TIMP3: variants seen among roughly 807,000 people sequenced by gnomAD.
TIMP3 encodes metalloproteinase inhibitor 3.
TIMP3 carries 11 observed loss-of-function variants against 30.0 expected under a neutral mutation model. That is an observed-to-expected ratio of 0.37 (90% confidence interval 0.23 to 0.61). The LOEUF (loss-of-function observed/expected upper bound fraction) is 0.61. Ranked by LOEUF, TIMP3 falls within the 20% of genes least tolerant of loss-of-function variation. The probability of loss-of-function intolerance (pLI) is 0.70; values close to 1 mark genes in which losing one functional copy is unlikely to be tolerated. For synonymous variants in TIMP3, 112 were observed against 111.3 expected (o/e 1.01, Z -0.04); for missense variants, 181 against 276.8 (o/e 0.65, Z 2.45).
intron 3 of TIMP3, among the ~76,000 whole-genome samples, chr22:32,857,600 C>T (rs185538566): frequency 2.6e-4 from 39 of 152,322 alleles, no homozygotes; most frequent in South Asian, 1.7e-3. Flanking sequence ...TTTGTAGCTT[C>T]TCAACTTTAC....
At chr22:32,858,834 C>T (rs1327989536) in intron 4 of TIMP3, among the ~76,000 whole-genome samples, 1 of 152,088 alleles carries the variant, frequency 6.6e-6, no homozygotes, top group African/African-American at 2.4e-5. Flanking sequence ...TTTCTAATTC[C>T]TCGATTCCCT....
Position 32,860,764 on chromosome 22 carries a change from C to T in TIMP3, c.*1387C>T, listed in dbSNP as rs987646301. 6.6e-6 allele frequency: 1 copy of T among 152,062 alleles called. No individual in the cohort carries two copies. The highest frequency in any genetic ancestry group is 2.4e-5 in the African/African-American group (1 of 41,376). The allele number at this position is 152,062 out of a possible 1,614,324, so 9.4% of individuals were successfully genotyped here. ...CCTGCCTGCCTTGGCTGGAGGGACA[C>T]CTCTCCTGGGTGTGGAGACAGCTTG... On this transcript the variant is annotated 3_prime_UTR_variant, in exon 5 of 5. Transcript: ENST00000266085.
chr22:32,833,542 G>A (rs1238513905), intron 1 of TIMP3, among the ~76,000 whole-genome samples: 1 of 152,168 alleles, frequency 6.6e-6, no homozygotes, highest in Non-Finnish European at 1.5e-5. Flanking sequence ...AGCTTACACT[G>A]AGTGACCCTG....
chr22:32,833,662 G>A (rs2047643523), intron 1 of TIMP3, among the ~76,000 whole-genome samples: 1 of 152,176 alleles, frequency 6.6e-6, no homozygotes, highest in Non-Finnish European at 1.5e-5. Flanking sequence ...ATGAGAAGTA[G>A]GGGCTCCCAA....
chr22:32,852,737 A>ATG (rs113858544), intron 2 of TIMP3, among the ~76,000 whole-genome samples: 8 of 151,468 alleles, frequency 5.3e-5, no homozygotes, highest in Non-Finnish European at 8.8e-5. Flanking sequence ...GACCTGCGAT[A>ATG]TGTGTGTGTG....
At chr22:32,823,718 G>A (rs2047321116) in intron 1 of TIMP3, among the ~76,000 whole-genome samples, 1 of 152,108 alleles carries the variant, frequency 6.6e-6, no homozygotes, top group East Asian at 1.9e-4. Context: ...AATAGGCCGT[G>A]TAGGAGCAGG....
At chr22:32,827,437 C>G (rs2047444954) in intron 1 of TIMP3, among the ~76,000 whole-genome samples, 1 of 152,218 alleles carries the variant, frequency 6.6e-6, no homozygotes, top group South Asian at 2.1e-4. Context: ...TCCCTGCAAG[C>G]TCCTACTTGT....
At chr22:32,841,093 C>G (rs1419513423) in intron 1 of TIMP3, among the ~76,000 whole-genome samples, 1 of 152,214 alleles carries the variant, frequency 6.6e-6, no homozygotes, top group Non-Finnish European at 1.5e-5. Flanking sequence ...TTAAATCACT[C>G]TGTGTGTGGC....
chr22:32,802,152 C>A, intron 1 of TIMP3, 30 bp downstream of exon 1: 3 of 1,568,322 alleles, frequency 1.9e-6, no homozygotes, highest in Non-Finnish European at 2.6e-6. Context: ...CGCCCGAGCC[C>A]CACGCTGCAG....
chr22:32,846,266 C>G (rs2048059842), intron 1 of TIMP3, among the ~76,000 whole-genome samples: 1 of 152,164 alleles, frequency 6.6e-6, no homozygotes, highest in South Asian at 2.1e-4. Context: ...CAAAATACCT[C>G]CTATACTTGT....
At chr22:32,823,307 G>C (rs2047307934) in intron 1 of TIMP3, among the ~76,000 whole-genome samples, 1 of 152,176 alleles carries the variant, frequency 6.6e-6, no homozygotes, top group Admixed American at 6.5e-5. Flanking sequence ...TCTCTCCAAG[G>C]TCCCTGCAGG....
chr22:32,852,119 C>A (rs2048234844), intron 2 of TIMP3, among the ~76,000 whole-genome samples: 1 of 152,232 alleles, frequency 6.6e-6, no homozygotes, highest in Non-Finnish European at 1.5e-5. Flanking sequence ...TATACTAACA[C>A]TGTAAAATAG....
At chr22:32,841,869 AG>A (rs2047915131) in intron 1 of TIMP3, among the ~76,000 whole-genome samples, 1 of 152,142 alleles carries the variant, frequency 6.6e-6, no homozygotes, top group Non-Finnish European at 1.5e-5. Flanking sequence ...TTAAAAAAAA[AG>A]TTCATGAGAG....
At chr22:32,808,587 C>T (rs1569240817) in intron 1 of TIMP3, among the ~76,000 whole-genome samples, 1 of 152,196 alleles carries the variant, frequency 6.6e-6, no homozygotes, top group Non-Finnish European at 1.5e-5. Flanking sequence ...CTACCTCATC[C>T]TCATAGTCTC....
chr22:32,813,229 ATTTC>A (rs2046960327), intron 1 of TIMP3, among the ~76,000 whole-genome samples: 1 of 152,148 alleles, frequency 6.6e-6, no homozygotes, highest in Non-Finnish European at 1.5e-5. Context: ...ACTAAAAATG[ATTTC>A]TTTATTATAA....
intron 1 of TIMP3, among the ~76,000 whole-genome samples, chr22:32,845,168 CTTCTG>C (rs77431599): frequency 0.066 from 10,012 of 152,138 alleles, 348 homozygotes; most frequent in Middle Eastern, 0.1. Context: ...CTGATTGGTG[CTTCTG>C]TACCTTGGAG....
At chr22:32,848,732 G>A (rs2048138202) in intron 1 of TIMP3, among the ~76,000 whole-genome samples, 1 of 152,174 alleles carries the variant, frequency 6.6e-6, no homozygotes, top group Admixed American at 6.5e-5. Flanking sequence ...TTATAGAAGA[G>A]GAGGCCAGAA....
intron 1 of TIMP3, among the ~76,000 whole-genome samples, chr22:32,846,180 T>C (rs1601526534): frequency 6.6e-6 from 1 of 152,350 alleles, no homozygotes; most frequent in South Asian, 2.1e-4. Flanking sequence ...TGGCTGGTCT[T>C]AGTAGGCAAT....
At position 32,859,532 on chromosome 22, in the gene TIMP3, G is replaced by A; in HGVS notation, c.*155G>A. 1.0e-6 allele frequency: 1 copy of A among 975,396 alleles called. No individual in the cohort carries two copies. The highest frequency in any genetic ancestry group is 1.5e-6 in the Non-Finnish European group (1 of 674,214). 60.4% of individuals were successfully genotyped at this position (975,396 alleles called of 1,614,324 possible). A position where few individuals can be genotyped will look rare whatever the true frequency, so the allele number is the denominator to read the frequency against. ...AGAAAGGTCTATGCTGTCATATGGG[G>A]TTTATTGGGAACTATCCTCCTGGCC... On this transcript the variant is annotated 3_prime_UTR_variant, in exon 5 of 5. Coordinates refer to ENST00000266085, the MANE Select transcript of TIMP3 (RefSeq NM_000362.5).
Sources: gnomAD v4.1 joint callset for allele counts (sites outside exome capture counted in the v4.1 genomes callset) on GRCh38, gnomAD v4.1.1 for gene constraint, MANE v1.5 for transcripts, NCBI Gene and HGNC (gene_info 2026-07-23, HGNC 2026-07-21) for gene names.